The following LIMK2 variants were observed in gnomAD, a reference collection of about 807,000 sequenced individuals.
LIMK2 encodes LIM domain kinase 2.
LIMK2 carries 35 observed loss-of-function variants against 75.7 expected under a neutral mutation model. The observed-to-expected ratio is 0.46, with a 90% confidence interval of 0.35 to 0.61. The LOEUF (loss-of-function observed/expected upper bound fraction) is 0.61. LIMK2 is among the 20% of genes least tolerant of loss of function. The pLI is 0.00. For missense variants in LIMK2, 623 were observed against 831.0 expected (o/e 0.75, Z 3.08); for synonymous variants, 301 against 319.2 (o/e 0.94, Z 0.61).
intron 2 of LIMK2, among the ~76,000 whole-genome samples, chr22:31,253,048 A>G (rs1041083867): frequency 6.6e-6 from 1 of 152,222 alleles, no homozygotes; most frequent in Non-Finnish European, 1.5e-5. Context: ...TGCACTTTGT[A>G]TCTGCCCAAG....
In LIMK2 at chr22:31,265,998, C is replaced by T. The variant is rs2048890778; in HGVS notation, c.907C>T (p.Leu303=). The T allele has an allele frequency of 6.2e-7, 1 of 1,614,196 alleles. No homozygotes were observed. Among genetic ancestry groups the T allele is most frequent in the Non-Finnish European group, 8.5e-7 (1 of 1,180,040 alleles). Residue 303 remains leucine, a synonymous_variant, in exon 8 of 16, where the codon CTG becomes TTG. Transcript: ENST00000331728. Reference sequence around the variant, plus strand: ...TGGCCCCAGCTCCCCAAAGGAGCCCCTGCTGTTCAGCCGTGACATCAGCCG... The same window carrying T: ...TGGCCCCAGCTCCCCAAAGGAGCCCTTGCTGTTCAGCCGTGACATCAGCCG... ...SPGPSSPKEP[L]LFSRDISRSE... is the part of the protein sequence containing the mutation.
chr22:31,244,143 C>T (rs1167864669), intron 2 of LIMK2, among the ~76,000 whole-genome samples: 1 of 152,232 alleles, frequency 6.6e-6, no homozygotes, highest in Non-Finnish European at 1.5e-5. Flanking sequence ...AGAGCGCCTG[C>T]AGCCTCCTGC....
intron 1 of LIMK2, among the ~76,000 whole-genome samples, chr22:31,221,729 T>A (rs2048436398): frequency 6.6e-6 from 1 of 152,140 alleles, no homozygotes; most frequent in Admixed American, 6.5e-5. Context: ...GTGATCCACC[T>A]GCCTCAGCCT....
chr22:31,247,530 AC>A lies in LIMK2; in HGVS notation c.117-10759del, dbSNP rs1190820216. ...AGTGAATAGTGAGTGAATGAGAGTA[AC>A]CTGGGCTCCATCCTATTTGCAGAGA... On this transcript the variant is annotated intron_variant, in intron 2 of 15. Coordinates refer to ENST00000331728, the MANE Select transcript of LIMK2 (RefSeq NM_005569.4). Among the ~76,000 whole-genome samples, 41 of 152,156 alleles carry A rather than the reference AC, an allele frequency of 2.7e-4. 1 individual carries two copies. Among genetic ancestry groups the A allele is most frequent in the Admixed American group, 2.7e-3 (41 of 15,270 alleles).
intron 2 of LIMK2, among the ~76,000 whole-genome samples, chr22:31,246,641 T>C (rs1472419995): frequency 6.6e-6 from 1 of 151,804 alleles, no homozygotes; most frequent in Non-Finnish European, 1.5e-5. Context: ...TAGTCCCAGC[T>C]ACTCTGGAGG....
chr22:31,277,000 G>A (rs773182478), intron 15 of LIMK2: 3 of 1,613,842 alleles, frequency 1.9e-6, no homozygotes, highest in Non-Finnish European at 2.5e-6. Flanking sequence ...TGAGCTCCTG[G>A]ACATGGAGAG....
At chr22:31,278,163 A>C (rs1306933768) in intron 15 of LIMK2, 134 bp from the exon 16 acceptor site, 1 of 710,278 alleles carries the variant, frequency 1.4e-6, no homozygotes, top group Non-Finnish European at 2.4e-6. Flanking sequence ...CCCATTTCTC[A>C]CAGAGGCACT....
chr22:31,269,286 C>CT (rs796361643), intron 11 of LIMK2, among the ~76,000 whole-genome samples: 3,661 of 95,458 alleles, frequency 0.038, 82 homozygotes, highest in African/African-American at 0.062. Context: ...ATTTTTTTTT[C>CT]TTTTTTTTTT....
intron 1 of LIMK2, among the ~76,000 whole-genome samples, chr22:31,220,240 G>A (rs949940072): frequency 6.6e-6 from 1 of 152,220 alleles, no homozygotes; most frequent in Non-Finnish European, 1.5e-5. Context: ...TAACAGAAAA[G>A]CAGTGTGAAT....
intron 15 of LIMK2, among the ~76,000 whole-genome samples, chr22:31,277,959 G>A (rs1287121936): frequency 3.3e-5 from 5 of 152,072 alleles, no homozygotes; most frequent in South Asian, 2.1e-4. Flanking sequence ...TTAGGCTTCC[G>A]GGGCAGCCAA....
Position 31,276,702 on chromosome 22 carries a change from G to A in LIMK2, c.1772+1394G>A, listed in dbSNP as rs868727670. 12 of 1,243,912 alleles carry A rather than the reference G, an allele frequency of 9.6e-6. No individual in the cohort carries two copies. In the African/African-American group the frequency reaches 1.3e-4, roughly 13 times the overall value. The allele number at this position is 1,243,912 out of a possible 1,614,324, so 77.1% of individuals were successfully genotyped here. On this transcript the variant is annotated intron_variant, in intron 15 of 15. Coordinates refer to ENST00000331728, the MANE Select transcript of LIMK2 (RefSeq NM_005569.4). Reference sequence around the variant, plus strand: ...CCCGGAGGCCGCCGTGGCGGACAGCGGCACCGCGGGGGGCGCGGCGTTGGC... The same window carrying A: ...CCCGGAGGCCGCCGTGGCGGACAGCAGCACCGCGGGGGGCGCGGCGTTGGC...
In LIMK2 at chr22:31,268,827, A is replaced by G. The variant is rs542681698; in HGVS notation, c.1317+627A>G. 2.6e-5 allele frequency among the ~76,000 whole-genome samples: 4 copies of G among 152,306 alleles called. No individual in the cohort carries two copies. The South Asian group carries it at 6.2e-4, about 24-fold the overall frequency. On this transcript the variant is annotated intron_variant, in intron 11 of 15. Transcript: ENST00000331728. The stretch of plus-strand genomic sequence containing the variant: ...TTGGTTTCCAGATAAGCTGGACTGG[A>G]AAGGGACAGAGCTGGGATCCTGGGC...
At chr22:31,247,878 G>A (rs2123812456) in intron 2 of LIMK2, among the ~76,000 whole-genome samples, 1 of 152,224 alleles carries the variant, frequency 6.6e-6, no homozygotes, top group South Asian at 2.1e-4. Flanking sequence ...CCTCCCATTG[G>A]TCAGCTCTTG....
In LIMK2 at chr22:31,279,320, C is replaced by T. The variant is rs1030423567; in HGVS notation, c.*879C>T. On this transcript the variant is annotated 3_prime_UTR_variant, in exon 16 of 16. Coordinates refer to ENST00000331728, the MANE Select transcript of LIMK2 (RefSeq NM_005569.4). ...TGCCTAAAACATTTTGCCTAAAGCTCGATGGGTTCTGGAGGACAGTGTGGC... is the reference window on the plus strand; with the variant it reads ...TGCCTAAAACATTTTGCCTAAAGCTTGATGGGTTCTGGAGGACAGTGTGGC... 2 of 152,182 alleles carry T rather than the reference C, an allele frequency of 1.3e-5. No individual in the cohort carries two copies. The highest frequency in any genetic ancestry group is 6.6e-5 in the Admixed American group (1 of 15,264). The allele number at this position is 152,182 out of a possible 1,614,324, so 9.4% of individuals were successfully genotyped here.
intron 8 of LIMK2, 143 bp downstream of exon 8, chr22:31,266,275 GT>G: frequency 1.2e-6 from 1 of 810,096 alleles, no homozygotes; most frequent in Non-Finnish European, 2.0e-6. Flanking sequence ...GGTGTGAGAG[GT>G]ATCCTTCACC....
At position 31,222,301 on chromosome 22, in the gene LIMK2, C is replaced by G. The variant is rs80134635; in HGVS notation, c.17-3419C>G. Among the ~76,000 whole-genome samples, 5,509 of 150,320 alleles carry G rather than the reference C, an allele frequency of 0.037. 484 individuals carry two copies. The East Asian group carries it at 0.37, about 10-fold the overall frequency. On this transcript the variant is annotated intron_variant, in intron 1 of 15. Transcript: ENST00000331728. ...GTCATGGCTGGTCTCAAATTCCCGACCTCAGGTGATCCACCCGCCTCAGCC... is the reference window on the plus strand; with the variant it reads ...GTCATGGCTGGTCTCAAATTCCCGAGCTCAGGTGATCCACCCGCCTCAGCC...
chr22:31,232,532 A>G (rs568285823), intron 2 of LIMK2, among the ~76,000 whole-genome samples: 8 of 152,204 alleles, frequency 5.3e-5, no homozygotes, highest in Non-Finnish European at 7.3e-5. Flanking sequence ...GTCATTTGCT[A>G]TATATAAAAG....
chr22:31,265,827 A>C, intron 7 of LIMK2, 119 bp from the exon 8 acceptor site: 1 of 759,846 alleles, frequency 1.3e-6, no homozygotes, highest in East Asian at 2.5e-5. Context: ...TTCCCCAATA[A>C]TAACATCTAA....
At chr22:31,265,810 G>T in intron 7 of LIMK2, 136 bp from the exon 8 acceptor site, 1 of 661,904 alleles carries the variant, frequency 1.5e-6, no homozygotes, top group Non-Finnish European at 2.6e-6. Flanking sequence ...TGATGTAAGA[G>T]CCCCTGTTCC....
Sources: gnomAD v4.1 joint callset for allele counts (sites outside exome capture counted in the v4.1 genomes callset) on GRCh38, gnomAD v4.1.1 for gene constraint, MANE v1.5 for transcripts, NCBI Gene and HGNC (gene_info 2026-07-23, HGNC 2026-07-21) for gene names.